FOXP4: variants seen among roughly 807,000 people sequenced by gnomAD.
The protein encoded by FOXP4 is forkhead box protein P4.
Under a neutral mutation model 82.6 loss-of-function variants are expected in FOXP4, and 25 were observed. The observed-to-expected ratio is 0.30, with a 90% confidence interval of 0.22 to 0.42. The LOEUF (loss-of-function observed/expected upper bound fraction) is 0.42, where lower values mean the gene tolerates loss of function less well. FOXP4 is among the 10% of genes least tolerant of loss of function. FOXP4 has a pLI of 1.00. For missense variants in FOXP4, 785 were observed against 900.9 expected (o/e 0.87, Z 1.65); for synonymous variants, 415 against 388.2 (o/e 1.07, Z -0.81).
intron 4 of FOXP4, among the ~76,000 whole-genome samples, chr6:41,585,152 A>G (rs1375899640): frequency 6.6e-6 from 1 of 152,072 alleles, no homozygotes; most frequent in Admixed American, 6.6e-5. Context: ...GGGAAGGGCA[A>G]AGTACTGGAA....
chr6:41,569,356 C>T (rs897885906), intron 2 of FOXP4, among the ~76,000 whole-genome samples: 6 of 152,258 alleles, frequency 3.9e-5, no homozygotes, highest in Admixed American at 2.0e-4. Context: ...TCCCCTCCCT[C>T]GCCAAGGCAA....
intron 14 of FOXP4, 22 bp downstream of exon 14, chr6:41,595,013 T>C (rs1181122358): frequency 1.2e-6 from 2 of 1,613,694 alleles, no homozygotes; most frequent in Non-Finnish European, 1.7e-6. Context: ...CAGAGCTGGA[T>C]GGGCTGTACC....
At chr6:41,587,601 G>T (rs1196074785) in intron 7 of FOXP4, 89 bp downstream of exon 7, 2 of 1,184,722 alleles carry the variant, frequency 1.7e-6, no homozygotes, top group African/African-American at 3.1e-5. Flanking sequence ...GTGAGGGAGG[G>T]GGTGGAGCCC....
chr6:41,554,605 G>T (rs1764174498), intron 1 of FOXP4, among the ~76,000 whole-genome samples: 1 of 151,668 alleles, frequency 6.6e-6, no homozygotes, highest in African/African-American at 2.4e-5. Context: ...CATGCCTGTA[G>T]TCCCAGCACT....
At chr6:41,583,774 G>A (rs781429725) in intron 3 of FOXP4, among the ~76,000 whole-genome samples, 10 of 152,180 alleles carry the variant, frequency 6.6e-5, no homozygotes, top group Non-Finnish European at 1.0e-4. Flanking sequence ...GCACAAGCCT[G>A]GGGGGTTCAG....
At chr6:41,563,556 G>A (rs1221497359) in intron 1 of FOXP4, among the ~76,000 whole-genome samples, 1 of 152,148 alleles carries the variant, frequency 6.6e-6, no homozygotes, top group East Asian at 1.9e-4. Flanking sequence ...GCTTCCACGG[G>A]CCTTGCTAAA....
intron 2 of FOXP4, among the ~76,000 whole-genome samples, chr6:41,567,619 G>A (rs544590256): frequency 1.4e-4 from 22 of 152,306 alleles, no homozygotes; most frequent in African/African-American, 5.1e-4. Flanking sequence ...TAAATGTAGG[G>A]GTTGGGGAGT....
chr6:41,560,777 G>A (rs1314896662), intron 1 of FOXP4, among the ~76,000 whole-genome samples: 1 of 152,280 alleles, frequency 6.6e-6, no homozygotes, highest in Non-Finnish European at 1.5e-5. Flanking sequence ...GGCGCAGGGT[G>A]TCATGGCAAA....
rs193106382 is a variant in FOXP4 at position 41,590,005 on chromosome 6, G to A, written c.1192G>A (p.Val398Ile). The change falls in exon 11 of 17, where the codon GTC (valine) becomes ATC (isoleucine). Residue 398 changes from valine (V) to isoleucine (I), a missense_variant. By Grantham distance (29) the Val-to-Ile change is conservative (BLOSUM62 3). Coordinates refer to ENST00000307972, the MANE Select transcript of FOXP4 (RefSeq NM_001012426.2). Reference sequence around the variant, plus strand: ...CTCCTCCTCATTCTCCAAGGTGACCGTCTCTGCAGCAGACTCATTCCCAGA... The same window carrying A: ...CTCCTCCTCATTCTCCAAGGTGACCATCTCTGCAGCAGACTCATTCCCAGA... ...PGSSSFSKVT[V>I]SAADSFPDGL... 240 of 1,613,920 alleles carry A rather than the reference G, an allele frequency of 1.5e-4. No homozygotes were observed. Among genetic ancestry groups the A allele is most frequent in the Non-Finnish European group, 1.9e-4 (224 of 1,179,978 alleles).
intron 2 of FOXP4, among the ~76,000 whole-genome samples, chr6:41,568,351 A>G (rs1479055739): frequency 6.6e-6 from 1 of 152,180 alleles, no homozygotes; most frequent in Non-Finnish European, 1.5e-5. Flanking sequence ...AGCCAGAGGT[A>G]GGCACTGAGT....
chr6:41,590,255 C>T lies in FOXP4; in HGVS notation c.1358-16C>T. 1 of 1,613,878 alleles carries T rather than the reference C, an allele frequency of 6.2e-7. No individual in the cohort carries two copies. ...GCCCCATATCTGGCTACCTCATCCT[C>T]TGCCTGTCTCCCCAGAGCTGGCCCA... On this transcript the variant is annotated splice_polypyrimidine_tract_variant and intron_variant, in intron 11 of 16. Coordinates refer to ENST00000307972, the MANE Select transcript of FOXP4 (RefSeq NM_001012426.2).
chr6:41,591,801 C>T lies in FOXP4; in HGVS notation c.1536+479C>T, dbSNP rs544127617. ...CGTGGACCACACATTGGGGCACTGACGGCACTCACAGCCCTCCCCAGCTCT... is the reference window on the plus strand; with the variant it reads ...CGTGGACCACACATTGGGGCACTGATGGCACTCACAGCCCTCCCCAGCTCT... On this transcript the variant is annotated intron_variant, in intron 13 of 16. Coordinates refer to ENST00000307972, the MANE Select transcript of FOXP4 (RefSeq NM_001012426.2). The surrounding 1 kb of genome is among the most constrained non-coding windows in gnomAD (Gnocchi z 4.2). Among the ~76,000 whole-genome samples the T allele has an allele frequency of 1.3e-4, 20 of 152,308 alleles. No homozygotes were observed. Among genetic ancestry groups the T allele is most frequent in the African/African-American group, 4.3e-4 (18 of 41,564 alleles).
chr6:41,577,678 C>T (rs1765562397), intron 2 of FOXP4, among the ~76,000 whole-genome samples: 1 of 152,150 alleles, frequency 6.6e-6, no homozygotes, highest in South Asian at 2.1e-4. Context: ...TGAGTCAACC[C>T]CCTTTATTTT....
chr6:41,549,620 A>G (rs1463819980), intron 1 of FOXP4, among the ~76,000 whole-genome samples: 1 of 151,420 alleles, frequency 6.6e-6, no homozygotes, highest in African/African-American at 2.4e-5. Flanking sequence ...CTGAGCCCCT[A>G]CTCTGCCTGG....
rs1432093007 is a variant in FOXP4 at position 41,598,121 on chromosome 6, A to C, written c.1895+171A>C. 6.5e-5 allele frequency among the ~76,000 whole-genome samples: 7 copies of C among 107,592 alleles called. No individual in the cohort carries two copies. The South Asian group carries it at 9.5e-4, about 15-fold the overall frequency. The allele number at this position is 107,592 out of a possible 152,430, so 70.6% of individuals were successfully genotyped here. ...AGCCCTCTCAGCCCTCCCTTGTCCC[A>C]CCTGCCTGTTCTTATCCCCTCTCCC... On this transcript the variant is annotated intron_variant, in intron 16 of 16. Transcript: ENST00000307972.
rs776499316 is a variant in FOXP4, at chr6:41,584,857, T to C, written c.389T>C (p.Leu130Ser). 6.2e-7 allele frequency: 1 copy of C among 1,611,324 alleles called. No homozygotes were observed. The highest frequency in any genetic ancestry group is 8.5e-7 in the Non-Finnish European group (1 of 1,178,986). Residue 130 changes from leucine to serine, a missense_variant, in exon 4 of 17, where the codon TTG becomes TCG. Leu to Ser is a moderately radical substitution (Grantham distance 145). Transcript: ENST00000307972. The part of the protein sequence containing the change: ...QILSPPQLQA[L>S]LQQQQALMLQ... ...CTGTCGCCCCCGCAGCTGCAGGCCT[T>C]GCTCCAGCAGCAGCAAGCCCTCATG...
At chr6:41,568,827 G>A (rs1310547718) in intron 2 of FOXP4, among the ~76,000 whole-genome samples, 1 of 152,250 alleles carries the variant, frequency 6.6e-6, no homozygotes, top group East Asian at 1.9e-4. Flanking sequence ...GATAAACAGG[G>A]CGAGTCAGAA....
chr6:41,592,856 G>A (rs145050905), intron 13 of FOXP4, among the ~76,000 whole-genome samples: 36 of 152,154 alleles, frequency 2.4e-4, no homozygotes, highest in Non-Finnish European at 4.0e-4. Flanking sequence ...TAACCCTGCC[G>A]CCCTTGCCCA....
chr6:41,564,227 G>C (rs1764748918), intron 1 of FOXP4, among the ~76,000 whole-genome samples: 1 of 152,210 alleles, frequency 6.6e-6, no homozygotes, highest in Admixed American at 6.5e-5. Context: ...GCCGAGGCAA[G>C]TGGATCAGTT....
Sources: gnomAD v4.1 joint callset for allele counts (sites outside exome capture counted in the v4.1 genomes callset) on GRCh38, gnomAD v4.1.1 for gene constraint, Gnocchi (gnomAD v3.1) non-coding constraint, MANE v1.5 for transcripts, NCBI Gene and HGNC (gene_info 2026-07-23, HGNC 2026-07-21) for gene names.